The following SLCO4C1 variants were observed in gnomAD, a reference collection of about 807,000 sequenced individuals.
SLCO4C1 encodes solute carrier organic anion transporter family member 4C1.
Under a neutral mutation model 72.1 loss-of-function variants are expected in SLCO4C1, and 58 were observed. That is an observed-to-expected ratio of 0.80 (90% CI 0.65 to 1.00). SLCO4C1 has a LOEUF of 1.00. SLCO4C1 is among the 50% of genes least tolerant of loss of function. The pLI, the probability that SLCO4C1 is intolerant of heterozygous loss-of-function variation, is 0.00. For missense variants in SLCO4C1, 898 were observed against 857.9 expected, an observed-to-expected ratio of 1.05 and a Z score of -0.58; for synonymous variants, 297 against 312.5, an observed-to-expected ratio of 0.95 and a Z score of 0.52.
chr5:102,237,446 A>AG (rs1424763634), intron 12 of SLCO4C1, among the ~76,000 whole-genome samples: 18 of 151,796 alleles, frequency 1.2e-4, no homozygotes, highest in Non-Finnish European at 2.7e-4. Flanking sequence ...TACCAAAAAA[A>AG]AAAAGTGCAA....
intron 8 of SLCO4C1, among the ~76,000 whole-genome samples, chr5:102,254,775 C>T (rs544457504): frequency 3.9e-5 from 6 of 152,240 alleles, no homozygotes; most frequent in African/African-American, 1.4e-4. Flanking sequence ...TAATAGACTA[C>T]AGTATAGGGT....
At chr5:102,286,662 T>C (rs1485221742) in intron 2 of SLCO4C1, among the ~76,000 whole-genome samples, 2 of 152,124 alleles carry the variant, frequency 1.3e-5, no homozygotes, top group Non-Finnish European at 1.5e-5. Flanking sequence ...CCTCTTTTTT[T>C]AGTCCAGTAA....
intron 1 of SLCO4C1, among the ~76,000 whole-genome samples, chr5:102,291,850 T>A (rs1749558665): frequency 1.3e-5 from 2 of 152,164 alleles, no homozygotes; most frequent in African/African-American, 4.8e-5. Flanking sequence ...AGACAGAGTT[T>A]CACTTTCATT....
chr5:102,273,279 T>A (rs1580259323), intron 2 of SLCO4C1, among the ~76,000 whole-genome samples: 2 of 151,948 alleles, frequency 1.3e-5, no homozygotes, highest in African/African-American at 4.8e-5. Context: ...AAAATAAATA[T>A]GTTTAAAGGT....
At chr5:102,282,044 T>C (rs1353137817) in intron 2 of SLCO4C1, among the ~76,000 whole-genome samples, 1 of 152,024 alleles carries the variant, frequency 6.6e-6, no homozygotes, top group Non-Finnish European at 1.5e-5. Context: ...CTATGGTACA[T>C]CCATACCATG....
At chr5:102,274,962 C>G (rs1159480998) in intron 2 of SLCO4C1, among the ~76,000 whole-genome samples, 1 of 151,918 alleles carries the variant, frequency 6.6e-6, no homozygotes, top group Non-Finnish European at 1.5e-5. Context: ...TACCACATCT[C>G]TGGTTACCAC....
intron 1 of SLCO4C1, 86 bp downstream of exon 1, chr5:102,295,822 C>CGCACCTGCCCTCTCCCCCGGACCCG: frequency 7.4e-7 from 1 of 1,360,504 alleles, no homozygotes; most frequent in Non-Finnish European, 9.9e-7. Context: ...CCACGGACCC[C>CGCACCTGCCCTCTCCCCCGGACCCG]GCGCACCTGC....
chr5:102,270,627 T>A lies in SLCO4C1; in HGVS notation c.799A>T (p.Ile267Leu). Residue 267 changes from isoleucine (I) to leucine (L), a missense_variant, in exon 3 of 13, where the codon ATA becomes TTA. Coordinates refer to ENST00000310954, the MANE Select transcript of SLCO4C1 (RefSeq NM_180991.5). The part of the protein sequence containing the change: ...SVPTHKSSLY[I>L]GTGYAMSILG... ...ACAGTTTAGAGAGTAAACTTACCTA[T>A]ATAGAGAGAAGACTTGTGTGTGGGC... 1 of 1,608,488 alleles carries A rather than the reference T, an allele frequency of 6.2e-7. No homozygotes were observed. Among genetic ancestry groups the A allele is most frequent in the Non-Finnish European group, 8.5e-7 (1 of 1,177,626 alleles).
intron 4 of SLCO4C1, 99 bp downstream of exon 4, chr5:102,263,585 G>T: frequency 3.4e-6 from 3 of 871,778 alleles, no homozygotes; most frequent in Non-Finnish European, 5.4e-6. Flanking sequence ...AATTCCTCAT[G>T]CTATACTGAG....
intron 5 of SLCO4C1, among the ~76,000 whole-genome samples, chr5:102,260,730 T>C (rs1748925568): frequency 6.6e-6 from 1 of 152,108 alleles, no homozygotes; most frequent in Non-Finnish European, 1.5e-5. Context: ...TTAAAGTACT[T>C]TTGTGGCTTT....
At chr5:102,283,773 C>G (rs909077417) in intron 2 of SLCO4C1, among the ~76,000 whole-genome samples, 3 of 151,906 alleles carry the variant, frequency 2.0e-5, no homozygotes, top group African/African-American at 7.2e-5. Context: ...AATGCCTTGT[C>G]CTTCCACAGA....
chr5:102,265,512 G>A (rs1389996134), intron 3 of SLCO4C1, among the ~76,000 whole-genome samples: 1 of 151,990 alleles, frequency 6.6e-6, no homozygotes, highest in African/African-American at 2.4e-5. Context: ...GTGAGATAGG[G>A]GTCTAGTTGT....
chr5:102,252,876 A>G (rs1748767674), intron 8 of SLCO4C1, among the ~76,000 whole-genome samples: 1 of 152,090 alleles, frequency 6.6e-6, no homozygotes, highest in Admixed American at 6.5e-5. Flanking sequence ...AAAATATCCT[A>G]TTTTGAAATG....
chr5:102,263,920 A>G (rs954316397), intron 3 of SLCO4C1, 140 bp from the exon 4 acceptor site: 2 of 622,570 alleles, frequency 3.2e-6, no homozygotes, highest in Non-Finnish European at 5.5e-6. Flanking sequence ...CACTAAAACA[A>G]TACCATTTGA....
chr5:102,291,501 G>GAAATATC lies in SLCO4C1; in HGVS notation c.454_460dup (p.Ser154Ter), dbSNP rs1167057516. ...TACAAATAAAGACAACAAACAGAAT[G>GAAATATC]AAATATCGTAGCTTGATGAAATCAG... On this transcript the variant is annotated stop_gained and frameshift_variant, in exon 2 of 13. Coordinates refer to ENST00000310954, the MANE Select transcript of SLCO4C1 (RefSeq NM_180991.5). LOFTEE classifies it high-confidence loss of function. 6.2e-7 allele frequency: 1 copy of GAAATATC among 1,613,946 alleles called. No homozygotes were observed. Among genetic ancestry groups the GAAATATC allele is most frequent in the Non-Finnish European group, 8.5e-7 (1 of 1,180,002 alleles).
chr5:102,247,219 T>C, intron 10 of SLCO4C1, 33 bp downstream of exon 10: 1 of 1,438,736 alleles, frequency 7.0e-7, no homozygotes, highest in Non-Finnish European at 9.3e-7. Flanking sequence ...CATGTTGCCT[T>C]AGGGAATGAA....
At chr5:102,291,652 CGATTAA>C in intron 1 of SLCO4C1, 46 bp from the exon 2 acceptor site, 1 of 1,474,580 alleles carries the variant, frequency 6.8e-7, no homozygotes, top group Non-Finnish European at 9.2e-7. Flanking sequence ...TTTTACCATA[CGATTAA>C]GATTATTAAC....
At chr5:102,285,635 G>C (rs1228991716) in intron 2 of SLCO4C1, among the ~76,000 whole-genome samples, 1 of 152,136 alleles carries the variant, frequency 6.6e-6, no homozygotes, top group Non-Finnish European at 1.5e-5. Flanking sequence ...AAAAGCCTCT[G>C]ATATAAAAAA....
intron 2 of SLCO4C1, among the ~76,000 whole-genome samples, chr5:102,273,468 CA>C (rs2112379710): frequency 6.6e-6 from 1 of 152,074 alleles, no homozygotes; most frequent in African/African-American, 2.4e-5. Flanking sequence ...GTCACTTATG[CA>C]GAAGGAAATA....
Sources: gnomAD v4.1 joint callset for allele counts (sites outside exome capture counted in the v4.1 genomes callset) on GRCh38, gnomAD v4.1.1 for gene constraint, MANE v1.5 for transcripts, NCBI Gene and HGNC (gene_info 2026-07-23, HGNC 2026-07-21) for gene names.